The following MAGI3 variants were observed in gnomAD, a reference collection of about 807,000 sequenced individuals.
MAGI3 encodes membrane-associated guanylate kinase, WW and PDZ domain-containing protein 3.
In MAGI3, 43 loss-of-function variants were observed where a neutral mutation model predicts 121.8. The observed-to-expected ratio is 0.35, with a 90% CI of 0.28 to 0.46. MAGI3 has a LOEUF of 0.46. Among genes scored for constraint, MAGI3 ranks in the 20% least tolerant of loss-of-function variants. The probability of loss-of-function intolerance (pLI) is 1.00; values close to 1 mark genes in which losing one functional copy is unlikely to be tolerated. For synonymous variants in MAGI3, 553 were observed against 639.3 expected, an observed-to-expected ratio of 0.86 and a Z score of 2.04; for missense variants, 1,547 against 1,797.3, an observed-to-expected ratio of 0.86 and a Z score of 2.52.
At chr1:113,493,547 G>T (rs1332060490) in intron 1 of MAGI3, among the ~76,000 whole-genome samples, 1 of 152,158 alleles carries the variant, frequency 6.6e-6, no homozygotes, top group Non-Finnish European at 1.5e-5. Flanking sequence ...TTAAACGAAA[G>T]AGCTTCTGCA....
At chr1:113,536,272 G>A (rs1658991591) in intron 1 of MAGI3, among the ~76,000 whole-genome samples, 1 of 151,882 alleles carries the variant, frequency 6.6e-6, no homozygotes, top group African/African-American at 2.4e-5. Flanking sequence ...TAGAGATACA[G>A]GGTTTGCCAC....
chr1:113,607,908 A>T (rs976553409), intron 6 of MAGI3, among the ~76,000 whole-genome samples: 1 of 152,192 alleles, frequency 6.6e-6, no homozygotes, highest in Non-Finnish European at 1.5e-5. Context: ...TAAATCTGAC[A>T]TATTTTTCGT....
chr1:113,644,049 C>T (rs980739331), intron 11 of MAGI3, among the ~76,000 whole-genome samples: 2 of 152,072 alleles, frequency 1.3e-5, no homozygotes, highest in Non-Finnish European at 2.9e-5. Context: ...AATGTGAACA[C>T]ATTAAAGAAC....
intron 6 of MAGI3, among the ~76,000 whole-genome samples, chr1:113,605,861 G>T (rs1162496096): frequency 6.6e-6 from 1 of 152,036 alleles, no homozygotes; most frequent in Non-Finnish European, 1.5e-5. Flanking sequence ...GCCTCCCAAA[G>T]TGCTAAGATT....
chr1:113,668,422 G>C (rs567303943), intron 16 of MAGI3, among the ~76,000 whole-genome samples: 21 of 152,136 alleles, frequency 1.4e-4, no homozygotes, highest in Non-Finnish European at 2.2e-4. Flanking sequence ...ATAAATATTT[G>C]ACTTTGTGAA....
At chr1:113,503,932 C>G (rs1384652034) in intron 1 of MAGI3, among the ~76,000 whole-genome samples, 2 of 151,928 alleles carry the variant, frequency 1.3e-5, no homozygotes, top group African/African-American at 2.4e-5. Context: ...AGCAGAGAGT[C>G]TCTATAATGG....
chr1:113,521,020 T>C (rs938551505), intron 1 of MAGI3, among the ~76,000 whole-genome samples: 4 of 152,042 alleles, frequency 2.6e-5, no homozygotes, highest in Admixed American at 2.6e-4. Context: ...ATTTAGGCTC[T>C]CCCTACATCA....
chr1:113,492,717 A>T (rs1210567061), intron 1 of MAGI3, among the ~76,000 whole-genome samples: 2 of 152,208 alleles, frequency 1.3e-5, no homozygotes, highest in Non-Finnish European at 2.9e-5. Flanking sequence ...TACAAAATCA[A>T]TGTGTAAATA....
At position 113,521,004 on chromosome 1, in the gene MAGI3, G is replaced by C. The variant is rs183859123; in HGVS notation, c.317-28511G>C. ...TTTATCACAGTAAGTCACTGTGCTG[G>C]AACCTATTTAGGCTCTCCCTACATC... On this transcript the variant is annotated intron_variant, in intron 1 of 20. Transcript: ENST00000307546. Among the ~76,000 whole-genome samples, 24 of 152,152 alleles carry C rather than the reference G, an allele frequency of 1.6e-4. No individual in the cohort carries two copies. In the East Asian group the frequency reaches 4.6e-3, roughly 29 times the overall value.
chr1:113,486,011 C>G (rs1334740857), intron 1 of MAGI3, among the ~76,000 whole-genome samples: 3 of 152,106 alleles, frequency 2.0e-5, no homozygotes, highest in Non-Finnish European at 4.4e-5. Flanking sequence ...CTATTCTGTT[C>G]CATTGGTCTT....
chr1:113,565,232 A>G (rs1660395710), intron 2 of MAGI3, among the ~76,000 whole-genome samples: 1 of 152,166 alleles, frequency 6.6e-6, no homozygotes, highest in Non-Finnish European at 1.5e-5. Context: ...TATGCCAGAA[A>G]AAAATGTATT....
intron 6 of MAGI3, among the ~76,000 whole-genome samples, chr1:113,603,422 C>T (rs915490297): frequency 6.6e-6 from 1 of 152,048 alleles, no homozygotes; most frequent in African/African-American, 2.4e-5. Flanking sequence ...TTCTACCAGA[C>T]ATTCAAAGAA....
intron 2 of MAGI3, among the ~76,000 whole-genome samples, chr1:113,579,617 A>C (rs1647880554): frequency 6.6e-6 from 1 of 152,126 alleles, no homozygotes; most frequent in Non-Finnish European, 1.5e-5. Flanking sequence ...GACTAGGAGG[A>C]GTGTAGCTGG....
chr1:113,530,574 C>T (rs1015602187), intron 1 of MAGI3, among the ~76,000 whole-genome samples: 1 of 151,038 alleles, frequency 6.6e-6, no homozygotes, highest in African/African-American at 2.4e-5. Flanking sequence ...CAATACTGCA[C>T]ATGTACCCAG....
intron 1 of MAGI3, among the ~76,000 whole-genome samples, chr1:113,461,438 A>G (rs1305043271): frequency 1.3e-5 from 2 of 152,020 alleles, no homozygotes; most frequent in African/African-American, 2.4e-5. Context: ...CACGCATCTG[A>G]TCATCAACAA....
chr1:113,416,414 T>A (rs1241912414), intron 1 of MAGI3, among the ~76,000 whole-genome samples: 1 of 110,642 alleles, frequency 9.0e-6, no homozygotes, highest in African/African-American at 3.8e-5. Flanking sequence ...AATTAATAAT[T>A]AATAATTAAT....
At chr1:113,640,379 G>C (rs1425857541) in intron 9 of MAGI3, among the ~76,000 whole-genome samples, 2 of 152,142 alleles carry the variant, frequency 1.3e-5, no homozygotes, top group African/African-American at 4.8e-5. Flanking sequence ...CCCATTACTG[G>C]ATATATACCC....
intron 1 of MAGI3, among the ~76,000 whole-genome samples, chr1:113,494,253 A>G (rs1219469949): frequency 6.6e-6 from 1 of 152,162 alleles, no homozygotes; most frequent in Non-Finnish European, 1.5e-5. Context: ...TAGCAAACAA[A>G]CACAGGAACA....
intron 11 of MAGI3, among the ~76,000 whole-genome samples, chr1:113,644,870 G>C (rs1369507322): frequency 2.0e-5 from 3 of 152,034 alleles, no homozygotes; most frequent in Non-Finnish European, 4.4e-5. Context: ...TGCTCCTTTG[G>C]AGTCTTTTAT....
Sources: gnomAD v4.1 joint callset for allele counts (sites outside exome capture counted in the v4.1 genomes callset) on GRCh38, gnomAD v4.1.1 for gene constraint, MANE v1.5 for transcripts, NCBI Gene and HGNC (gene_info 2026-07-23, HGNC 2026-07-21) for gene names.